Variants in ATAD1 observed in about 807,000 individuals in gnomAD.
ATAD1 encodes outer mitochondrial transmembrane helix translocase.
In ATAD1, 18 loss-of-function variants were observed where a neutral mutation model predicts 42.7. The observed-to-expected ratio is 0.42, with a 90% CI of 0.29 to 0.63. The LOEUF is 0.63. Among genes scored for constraint, ATAD1 ranks in the 20% least tolerant of loss-of-function variants. ATAD1 has a pLI of 0.19. For missense variants in ATAD1, 294 were observed against 440.4 expected (o/e 0.67, Z 2.98); for synonymous variants, 132 against 143.1 (o/e 0.92, Z 0.55).
upstream of ATAD1, among the ~76,000 whole-genome samples, chr10:87,822,564 G>T (rs1857650787): frequency 6.6e-6 from 1 of 152,158 alleles, no homozygotes; most frequent in Non-Finnish European, 1.5e-5. Flanking sequence ...TCACTCATTT[G>T]TGGGAGCTAA....
intron 1 of ATAD1, among the ~76,000 whole-genome samples, chr10:87,816,257 GT>G (rs1857410075): frequency 6.6e-6 from 1 of 152,072 alleles, no homozygotes; most frequent in Non-Finnish European, 1.5e-5. Context: ...CAGATAAATT[GT>G]AACTGAAGGA....
At position 87,792,591 on chromosome 10, in the gene ATAD1, T is replaced by A. The variant is rs1856178739; in HGVS notation, c.261+66A>T. On this transcript the variant is annotated intron_variant, in intron 3 of 9. Coordinates refer to ENST00000680024, the MANE Select transcript of ATAD1 (RefSeq NM_001321967.2). ...ACCCGGCCGTGATCTTTAAGACCCCTGACACAAAATGCTAGAACCCACCCC... is the reference window on the plus strand; with the variant it reads ...ACCCGGCCGTGATCTTTAAGACCCCAGACACAAAATGCTAGAACCCACCCC... The A allele has an allele frequency of 7.4e-6, 9 of 1,224,132 alleles. No individual in the cohort carries two copies. The East Asian group carries it at 2.1e-4, about 29-fold the overall frequency. The allele number at this position is 1,224,132 out of a possible 1,614,324, so 75.8% of individuals were successfully genotyped here. A position where few individuals can be genotyped will look rare whatever the true frequency, so the allele number is the denominator to read the frequency against.
At chr10:87,772,242 A>G (rs1299974383) in intron 6 of ATAD1, among the ~76,000 whole-genome samples, 1 of 151,642 alleles carries the variant, frequency 6.6e-6, no homozygotes, top group East Asian at 1.9e-4. Flanking sequence ...GACAGAAAGT[A>G]GCTGGGACTA....
At chr10:87,814,035 A>T (rs909255323) in intron 2 of ATAD1, among the ~76,000 whole-genome samples, 6 of 152,116 alleles carry the variant, frequency 3.9e-5, no homozygotes, top group African/African-American at 9.7e-5. Flanking sequence ...AGTGTAGCTT[A>T]TAAGTTTAAG....
At chr10:87,819,817 G>T (rs1164324334), upstream of ATAD1, among the ~76,000 whole-genome samples, 3 of 152,238 alleles carry the variant, frequency 2.0e-5, no homozygotes, top group Admixed American at 1.3e-4. Flanking sequence ...TTGAAAGTAA[G>T]ACCATGAAAT....
chr10:87,813,522 T>C (rs1334154514), intron 2 of ATAD1, among the ~76,000 whole-genome samples: 1 of 152,074 alleles, frequency 6.6e-6, no homozygotes, highest in Admixed American at 6.5e-5. Flanking sequence ...GTTTATAAAA[T>C]TGTGGTTTTC....
chr10:87,773,541 C>G (rs1564747701), intron 6 of ATAD1, among the ~76,000 whole-genome samples: 1 of 152,230 alleles, frequency 6.6e-6, no homozygotes. Flanking sequence ...TTAACCCCCG[C>G]CCCCAAAATA....
chr10:87,783,519 C>T (rs1206422983), intron 5 of ATAD1, among the ~76,000 whole-genome samples: 1 of 151,952 alleles, frequency 6.6e-6, no homozygotes, highest in Non-Finnish European at 1.5e-5. Flanking sequence ...ATATTTGTAT[C>T]TATTTTTCTC....
intron 2 of ATAD1, among the ~76,000 whole-genome samples, chr10:87,809,193 AG>A (rs1416312291): frequency 1.3e-5 from 2 of 152,166 alleles, no homozygotes; most frequent in African/African-American, 4.8e-5. Context: ...TACACAATAC[AG>A]GGATTGGGAT....
intron 6 of ATAD1, among the ~76,000 whole-genome samples, chr10:87,775,160 C>G (rs1855233564): frequency 6.6e-6 from 1 of 151,828 alleles, no homozygotes; most frequent in South Asian, 2.1e-4. Context: ...GTGGTTCATG[C>G]CTATAATCCC....
At chr10:87,759,142 C>T (rs1471933663) in intron 8 of ATAD1, among the ~76,000 whole-genome samples, 1 of 152,082 alleles carries the variant, frequency 6.6e-6, no homozygotes, top group Non-Finnish European at 1.5e-5. Context: ...AGAAACTCTT[C>T]TCATGTGTCC....
chr10:87,818,202 C>T lies in ATAD1; in HGVS notation c.-49G>A, dbSNP rs992923346. On this transcript the variant is annotated 5_prime_UTR_variant, in exon 1 of 10. Coordinates refer to ENST00000680024, the MANE Select transcript of ATAD1 (RefSeq NM_001321967.2). The stretch of plus-strand genomic sequence containing the variant: ...AAACAGCAAGAGCAAGTGCCCTCAG[C>T]CGGCCTCACACAGGAAGGAAACGCA... 1 of 985,670 alleles carries T rather than the reference C, an allele frequency of 1.0e-6. No individual in the cohort carries two copies. The allele number at this position is 985,670 out of a possible 1,614,324, so 61.1% of individuals were successfully genotyped here.
rs34722647 is a variant in ATAD1, at chr10:87,791,030, C to CAA, written c.262-602_262-601dup. Reference sequence around the variant, plus strand: ...TGAAACCCCGTCTCTACTAAAATTACAAAAAAAAAAAAAAAAAAAAAAAAA... The same window carrying CAA: ...TGAAACCCCGTCTCTACTAAAATTACAAAAAAAAAAAAAAAAAAAAAAAAAAA... On this transcript the variant is annotated intron_variant, in intron 3 of 9. Transcript: ENST00000680024. Among the ~76,000 whole-genome samples the CAA allele has an allele frequency of 3.2e-3, 210 of 66,224 alleles. 3 individuals carry two copies. Among genetic ancestry groups the CAA allele is most frequent in the African/African-American group, 0.01 (175 of 17,234 alleles). The allele number at this position is 66,224 out of a possible 152,430, so 43.4% of individuals were successfully genotyped here.
rs189344865 is a variant in ATAD1 at position 87,835,679 on chromosome 10, A to G, written c.-14+5508T>C. ...AATTGATATATTCAGATTTAGGCCTACCATTTTATTTATTTGTTTTCTATT... is the reference window on the plus strand; with the variant it reads ...AATTGATATATTCAGATTTAGGCCTGCCATTTTATTTATTTGTTTTCTATT... On this transcript the variant is annotated intron_variant, in intron 1 of 4. Transcript: ENST00000495903. Among the ~76,000 whole-genome samples the G allele has an allele frequency of 2.4e-3, 370 of 152,132 alleles. 1 individual carries two copies. Among genetic ancestry groups the G allele is most frequent in the Non-Finnish European group, 4.0e-3 (272 of 67,970 alleles).
At chr10:87,825,279 T>C (rs1036279288) in intron 1 of ATAD1, among the ~76,000 whole-genome samples, 1 of 152,070 alleles carries the variant, frequency 6.6e-6, no homozygotes, top group African/African-American at 2.4e-5. Flanking sequence ...ATACTTTGCA[T>C]GTCTTATCTT....
intron 1 of ATAD1, among the ~76,000 whole-genome samples, chr10:87,833,789 A>G (rs571228264): frequency 2.3e-5 from 3 of 130,044 alleles, no homozygotes; most frequent in Non-Finnish European, 3.1e-5. Flanking sequence ...GTGCAGTGGC[A>G]TGATCTCAGC....
At chr10:87,828,612 T>C (rs1857771425) in intron 1 of ATAD1, among the ~76,000 whole-genome samples, 1 of 152,246 alleles carries the variant, frequency 6.6e-6, no homozygotes, top group Admixed American at 6.5e-5. Flanking sequence ...AGATCATTGA[T>C]GAAGGTGGCT....
intron 2 of ATAD1, among the ~76,000 whole-genome samples, chr10:87,796,393 C>T (rs1202496823): frequency 2.6e-5 from 4 of 152,206 alleles, no homozygotes; most frequent in African/African-American, 9.7e-5. Flanking sequence ...TTTAGAGAAG[C>T]TAGTAAGAAA....
In ATAD1 at chr10:87,754,436, T is replaced by G. The variant is rs151207426; in HGVS notation, c.*251A>C. 3.4e-6 allele frequency: 1 copy of G among 295,724 alleles called. No homozygotes were observed. The highest frequency in any genetic ancestry group is 6.4e-6 in the Non-Finnish European group (1 of 155,208). 18.3% of individuals were successfully genotyped at this position (295,724 alleles called of 1,614,324 possible). A position where few individuals can be genotyped will look rare whatever the true frequency, so the allele number is the denominator to read the frequency against. Reference sequence around the variant, plus strand: ...GCTTAGATTCTATAAGGCTGTACAATATATGGCTGAAAAGGTCAAACACAA... The same window carrying G: ...GCTTAGATTCTATAAGGCTGTACAAGATATGGCTGAAAAGGTCAAACACAA... On this transcript the variant is annotated 3_prime_UTR_variant, in exon 10 of 10. Transcript: ENST00000680024.
Sources: gnomAD v4.1 joint callset for allele counts (sites outside exome capture counted in the v4.1 genomes callset) on GRCh38, gnomAD v4.1.1 for gene constraint, MANE v1.5 for transcripts, NCBI Gene and HGNC (gene_info 2026-07-23, HGNC 2026-07-21) for gene names.